NPAS2: variants seen among roughly 807,000 people sequenced by gnomAD.
The protein encoded by NPAS2 is neuronal PAS domain protein 2, also known as neuronal PAS domain-containing protein 2.
Under a neutral mutation model 107.5 loss-of-function variants are expected in NPAS2, and 23 were observed. That is an observed-to-expected ratio of 0.21 (90% confidence interval 0.15 to 0.30). The LOEUF is 0.30. Among genes scored for constraint, NPAS2 ranks in the 10% least tolerant of loss-of-function variants. The probability of loss-of-function intolerance (pLI) is 1.00; values close to 1 mark genes in which losing one functional copy is unlikely to be tolerated. For missense variants in NPAS2, 756 were observed against 1,043.3 expected, an observed-to-expected ratio of 0.72 and a Z score of 3.79; for synonymous variants, 403 against 417.5, an observed-to-expected ratio of 0.97 and a Z score of 0.42.
At chr2:100,957,692 C>T (rs1401387007) in intron 7 of NPAS2, among the ~76,000 whole-genome samples, 4 of 152,032 alleles carry the variant, frequency 2.6e-5, no homozygotes, top group South Asian at 2.1e-4. Flanking sequence ...TTTGGGAGGC[C>T]GAGGCGGGCG....
At chr2:100,959,652 A>C (rs905812870) in intron 7 of NPAS2, among the ~76,000 whole-genome samples, 1 of 152,234 alleles carries the variant, frequency 6.6e-6, no homozygotes, top group African/African-American at 2.4e-5. Flanking sequence ...GGACTTAACA[A>C]CTTTATTCTT....
chr2:100,830,709 G>A (rs2104360750), intron 1 of NPAS2, among the ~76,000 whole-genome samples: 1 of 152,312 alleles, frequency 6.6e-6, no homozygotes, highest in Non-Finnish European at 1.5e-5. Flanking sequence ...GTCAGTAGAA[G>A]TCAGATCTGT....
chr2:100,841,635 G>A (rs1387491620), intron 1 of NPAS2, among the ~76,000 whole-genome samples: 1 of 152,036 alleles, frequency 6.6e-6, no homozygotes, highest in Admixed American at 6.5e-5. Flanking sequence ...TAGAACATTC[G>A]ATAACCAGAC....
chr2:100,820,084 G>T (rs1168347564), upstream of NPAS2: 2 of 150,976 alleles, frequency 1.3e-5, no homozygotes, highest in Non-Finnish European at 3.0e-5. The surrounding 1 kb of genome is among the most constrained non-coding windows in gnomAD (Gnocchi z 5.6). Flanking sequence ...GAGGAGGGTG[G>T]AGGGAGGAGG....
chr2:100,975,897 C>T lies in NPAS2; in HGVS notation c.1392+330C>T, dbSNP rs1283991965. 6.6e-5 allele frequency among the ~76,000 whole-genome samples: 10 copies of T among 152,194 alleles called. No individual in the cohort carries two copies. In the South Asian group the frequency reaches 1.0e-3, roughly 16 times the overall value. ...CAATTAGGATTCTTCTGTTTTGAAT[C>T]CCCTTTCATGCTGGTGAAAATATTT... is the stretch of plus-strand genomic sequence containing the variant. On this transcript the variant is annotated intron_variant, in intron 14 of 20. Transcript: ENST00000335681.
chr2:100,911,297 C>A (rs1175069236), intron 2 of NPAS2, among the ~76,000 whole-genome samples: 2 of 152,308 alleles, frequency 1.3e-5, no homozygotes, highest in East Asian at 3.9e-4. Context: ...ACAGAAGACC[C>A]ATTGACCAAC....
At chr2:100,843,206 AG>A (rs1222560914) in intron 1 of NPAS2, among the ~76,000 whole-genome samples, 1 of 129,862 alleles carries the variant, frequency 7.7e-6, no homozygotes, top group East Asian at 2.2e-4. Context: ...TGACAGAGTG[AG>A]ACTCTGTCTC....
chr2:100,845,840 C>A (rs1197909835), intron 1 of NPAS2, among the ~76,000 whole-genome samples: 1 of 152,202 alleles, frequency 6.6e-6, no homozygotes, highest in East Asian at 1.9e-4. Flanking sequence ...GTAAAAGATT[C>A]TCCTGCATGT....
At chr2:100,941,583 A>G (rs1674578169) in intron 5 of NPAS2, among the ~76,000 whole-genome samples, 1 of 152,078 alleles carries the variant, frequency 6.6e-6, no homozygotes, top group Non-Finnish European at 1.5e-5. Context: ...AACAATAATA[A>G]TGAGAATTGT....
In NPAS2 at chr2:100,964,076, A is replaced by T; in HGVS notation, c.617A>T (p.Asn206Ile). 1 of 1,613,600 alleles carries T rather than the reference A, an allele frequency of 6.2e-7. No homozygotes were observed. Among genetic ancestry groups the T allele is most frequent in the Non-Finnish European group, 8.5e-7 (1 of 1,179,586 alleles). The change falls in exon 8 of 21, where the codon AAT (asparagine) becomes ATT (isoleucine). Residue 206 changes from asparagine to isoleucine, a missense_variant. By Grantham distance (149) the Asn-to-Ile change is moderately radical. Around this residue, in one of 4 missense-constraint regions of NPAS2, gnomAD observed 30 missense variants for 23.8 expected, o/e 1.26. Coordinates refer to ENST00000335681, the MANE Select transcript of NPAS2 (RefSeq NM_002518.4). ...SYNNVPSPSC[N>I]GFDNTLSRPC... ...CCCCCAGTGCCTAGCCCCTCCTGTAATGGTTTTGACAACACCCTTTCAAGA... is the reference window on the plus strand; with the variant it reads ...CCCCCAGTGCCTAGCCCCTCCTGTATTGGTTTTGACAACACCCTTTCAAGA...
intron 1 of NPAS2, among the ~76,000 whole-genome samples, chr2:100,862,203 A>T (rs1053639776): frequency 6.6e-6 from 1 of 152,230 alleles, no homozygotes; most frequent in Non-Finnish European, 1.5e-5. Flanking sequence ...GCTACTGCTA[A>T]GTAGATGCGT....
At chr2:100,895,019 T>G (rs1681310415) in intron 1 of NPAS2, among the ~76,000 whole-genome samples, 1 of 152,130 alleles carries the variant, frequency 6.6e-6, no homozygotes, top group African/African-American at 2.4e-5. Flanking sequence ...TAAGATGGAG[T>G]TTACTGTGTC....
At position 100,873,307 on chromosome 2, in the gene NPAS2, T is replaced by TATATATATACACAC. The variant is rs1280164445; in HGVS notation, c.-22-31425_-22-31424insTATATATACACACA. Among the ~76,000 whole-genome samples, 13 of 41,900 alleles carry TATATATATACACAC rather than the reference T, an allele frequency of 3.1e-4. No individual in the cohort carries two copies. In the Admixed American group the frequency reaches 3.9e-3, roughly 13 times the overall value. The allele number at this position is 41,900 out of a possible 152,430, so 27.5% of individuals were successfully genotyped here. A position where few individuals can be genotyped will look rare whatever the true frequency, so the allele number is the denominator to read the frequency against. On this transcript the variant is annotated intron_variant, in intron 1 of 20. Coordinates refer to ENST00000335681, the MANE Select transcript of NPAS2 (RefSeq NM_002518.4). ...ATATATATATATATATATATATATA[T>TATATATATACACAC]ACACACACACACACACACACACACA...
intron 5 of NPAS2, among the ~76,000 whole-genome samples, chr2:100,947,366 C>T (rs111403115): frequency 0.04 from 6,144 of 152,106 alleles, 410 homozygotes; most frequent in African/African-American, 0.14. Flanking sequence ...GCCTGGCCAA[C>T]ACGGTGAAAC....
At position 100,965,774 on chromosome 2, in the gene NPAS2, C is replaced by T; in HGVS notation, c.907+8C>T. The T allele has an allele frequency of 6.3e-7, 1 of 1,584,628 alleles. No homozygotes were observed. The highest frequency in any genetic ancestry group is 1.7e-4 in the Middle Eastern group (1 of 5,990). ...CCAGGTGTCACCAGCACCGTGAGTA[C>T]CACTGCCCAGCCCAGGCATGGGGGC... On this transcript the variant is annotated splice_region_variant and intron_variant, in intron 10 of 20. Transcript: ENST00000335681. This position sits in a 1 kb window ranked among gnomAD's most constrained non-coding sequence, Gnocchi z 4.3.
chr2:100,953,992 G>C (rs1052317660), intron 7 of NPAS2, among the ~76,000 whole-genome samples: 7 of 152,208 alleles, frequency 4.6e-5, no homozygotes, highest in African/African-American at 1.7e-4. Context: ...GGAACAGGAG[G>C]CACACATGGC....
At chr2:100,874,875 C>G (rs2104595475) in intron 1 of NPAS2, among the ~76,000 whole-genome samples, 1 of 152,276 alleles carries the variant, frequency 6.6e-6, no homozygotes, top group Admixed American at 6.5e-5. Context: ...TCCTAGAATT[C>G]CAGGGGCTCT....
intron 1 of NPAS2, among the ~76,000 whole-genome samples, chr2:100,902,202 A>G (rs1681830401): frequency 6.6e-6 from 1 of 152,028 alleles, no homozygotes. Context: ...CTTCCCTTCC[A>G]TCCTGTTCCT....
In NPAS2 at chr2:100,911,065, C is replaced by T. The variant is rs555842913; in HGVS notation, c.32+6279C>T. Reference sequence around the variant, plus strand: ...GAATATTAATCCCAGGAAATGCCCCCAAAATAATTGCGGACTGTATGTTTA... The same window carrying T: ...GAATATTAATCCCAGGAAATGCCCCTAAAATAATTGCGGACTGTATGTTTA... On this transcript the variant is annotated intron_variant, in intron 2 of 20. Transcript: ENST00000335681. Among the ~76,000 whole-genome samples the T allele has an allele frequency of 1.1e-4, 17 of 152,294 alleles. No homozygotes were observed. In the South Asian group the frequency reaches 3.5e-3, roughly 32 times the overall value.
Sources: gnomAD v4.1 joint callset for allele counts (sites outside exome capture counted in the v4.1 genomes callset) on GRCh38, gnomAD v4.1.1 for gene constraint, gnomAD v4.1.1 regional missense constraint, Gnocchi (gnomAD v3.1) non-coding constraint, MANE v1.5 for transcripts, NCBI Gene and HGNC (gene_info 2026-07-23, HGNC 2026-07-21) for gene names.